The following NUP133 variants were observed in gnomAD, a reference collection of about 807,000 sequenced individuals.
NUP133 encodes nucleoporin 133, also known as nuclear pore complex protein Nup133.
In NUP133, 66 loss-of-function variants were observed where a neutral mutation model predicts 146.2. The observed-to-expected ratio is 0.45, with a 90% confidence interval of 0.37 to 0.55. The LOEUF (loss-of-function observed/expected upper bound fraction) is 0.55. Among genes scored for constraint, NUP133 ranks in the 20% least tolerant of loss-of-function variants. The pLI is 0.00. For synonymous variants in NUP133, 521 were observed against 498.8 expected (o/e 1.04, Z -0.59); for missense variants, 1,277 against 1,374.8 (o/e 0.93, Z 1.12).
In NUP133 at chr1:229,476,406, G is replaced by A. The variant is rs1027598139; in HGVS notation, c.1757-674C>T. Among the ~76,000 whole-genome samples the A allele has an allele frequency of 2.0e-5, 3 of 152,150 alleles. No individual in the cohort carries two copies. In the South Asian group the frequency reaches 6.2e-4, roughly 32 times the overall value. On this transcript the variant is annotated intron_variant, in intron 13 of 25. Coordinates refer to ENST00000261396, the MANE Select transcript of NUP133 (RefSeq NM_018230.3). Reference sequence around the variant, plus strand: ...ACTTGCTAAGAAGTAGGATAATTAGGGAGAGAAACATGTTTGAGACAGTTC... The same window carrying A: ...ACTTGCTAAGAAGTAGGATAATTAGAGAGAGAAACATGTTTGAGACAGTTC...
intron 12 of NUP133, among the ~76,000 whole-genome samples, chr1:229,482,726 G>A (rs185992687): frequency 6.6e-6 from 1 of 152,270 alleles, no homozygotes; most frequent in Non-Finnish European, 1.5e-5. Context: ...TCTCACTACA[G>A]CTGGACTTGC....
chr1:229,471,141 G>C (rs1440579683), intron 14 of NUP133, among the ~76,000 whole-genome samples: 1 of 151,954 alleles, frequency 6.6e-6, no homozygotes, highest in African/African-American at 2.4e-5. Context: ...TTTGAGACAG[G>C]GTTTTGCTCT....
At chr1:229,453,162 T>G (rs1660493711) in intron 21 of NUP133, among the ~76,000 whole-genome samples, 1 of 152,190 alleles carries the variant, frequency 6.6e-6, no homozygotes. Flanking sequence ...CTCTTGGGCT[T>G]GAGTGATCCT....
At chr1:229,471,826 TCA>T (rs1342856331) in intron 14 of NUP133, among the ~76,000 whole-genome samples, 3 of 152,152 alleles carry the variant, frequency 2.0e-5, no homozygotes, top group Non-Finnish European at 4.4e-5. Context: ...ACAAAAGGGG[TCA>T]CACTGTATAT....
chr1:229,462,941 A>C (rs776925213), intron 19 of NUP133, among the ~76,000 whole-genome samples: 1 of 152,228 alleles, frequency 6.6e-6, no homozygotes, highest in Admixed American at 6.5e-5. Context: ...CTCTTAAAGT[A>C]GTCTTCTATG....
At position 229,506,099 on chromosome 1, in the gene NUP133, A is replaced by G. The variant is rs778690874; in HGVS notation, c.242T>C (p.Val81Ala). The change falls in exon 2 of 26, where the codon GTG becomes GCG. Residue 81 changes from valine (V) to alanine (A), a missense_variant. Physicochemically the swap from Val to Ala is moderately conservative, Grantham distance 64. Around this residue, in one of 3 missense-constraint regions of NUP133, gnomAD observed 319 missense variants for 306.9 expected, o/e 1.04. Transcript: ENST00000261396. ...AGGAAGAGAAGATCCAAACGTTTTC[A>G]CATCATAGTTCACAGACTCAGTTAT... Reference protein sequence around the residue: ...HSITESVNYDVKTFGSSLPVK... With the variant: ...HSITESVNYDAKTFGSSLPVK... 3.7e-6 allele frequency: 6 copies of G among 1,613,796 alleles called. No individual in the cohort carries two copies. The South Asian group carries it at 6.6e-5, about 18-fold the overall frequency.
Position 229,497,775 on chromosome 1 carries a change from T to G in NUP133, c.819+361A>C, listed in dbSNP as rs548587816. On this transcript the variant is annotated intron_variant, in intron 6 of 25. Coordinates refer to ENST00000261396, the MANE Select transcript of NUP133 (RefSeq NM_018230.3). ...GGTGCAGAGAAGTCCAGCCAACAGA[T>G]CTAGATTTCAGTCATCCACACAGAC... Among the ~76,000 whole-genome samples the G allele has an allele frequency of 9.8e-5, 15 of 152,332 alleles. 1 individual carries two copies. The highest frequency in any genetic ancestry group is 3.3e-4 in the Admixed American group (5 of 15,304).
intron 6 of NUP133, among the ~76,000 whole-genome samples, chr1:229,496,946 G>A (rs1661671109): frequency 6.6e-6 from 1 of 152,244 alleles, no homozygotes; most frequent in Admixed American, 6.5e-5. Flanking sequence ...ACAGAATTGT[G>A]TTTGAATGCA....
rs1467038878 is a variant in NUP133, at chr1:229,441,270, A to G, written c.*634T>C. ...CAGTAATTTCTAGATAGGTTAGAAA[A>G]CCACATAAACGTTTCATTCACTAAA... On this transcript the variant is annotated 3_prime_UTR_variant, in exon 26 of 26. Transcript: ENST00000261396. 5.5e-6 allele frequency: 2 copies of G among 366,404 alleles called. No homozygotes were observed. Among genetic ancestry groups the G allele is most frequent in the Non-Finnish European group, 1.1e-5 (2 of 183,170 alleles). The allele number at this position is 366,404 out of a possible 1,614,324, so 22.7% of individuals were successfully genotyped here.
intron 20 of NUP133, 100 bp downstream of exon 20, chr1:229,460,511 G>A (rs1660669588): frequency 3.4e-6 from 4 of 1,188,556 alleles, no homozygotes; most frequent in Non-Finnish European, 4.7e-6. Context: ...CCCTTCTCAG[G>A]TATATGACAG....
intron 20 of NUP133, among the ~76,000 whole-genome samples, chr1:229,458,497 T>C (rs915078929): frequency 1.3e-5 from 2 of 152,086 alleles, no homozygotes; most frequent in Admixed American, 6.6e-5. Context: ...TCACTAAATA[T>C]TGGGAAAAGA....
In NUP133 at chr1:229,486,761, C is replaced by T. The variant is rs535389574; in HGVS notation, c.1343-233G>A. On this transcript the variant is annotated intron_variant, in intron 10 of 25. Coordinates refer to ENST00000261396, the MANE Select transcript of NUP133 (RefSeq NM_018230.3). ...CTTTCAGCTTTAAGGACAATAAAAA[C>T]TAGCCTTGCCAGACAGCAGTCAGTC... Among the ~76,000 whole-genome samples the T allele has an allele frequency of 8.5e-5, 13 of 152,268 alleles. No individual in the cohort carries two copies. The South Asian group carries it at 2.7e-3, about 32-fold the overall frequency.
intron 2 of NUP133, among the ~76,000 whole-genome samples, chr1:229,505,406 A>G (rs1195507882): frequency 6.6e-6 from 1 of 152,026 alleles, no homozygotes; most frequent in Non-Finnish European, 1.5e-5. Context: ...GTTTAGTACT[A>G]TACAAGGTTT....
chr1:229,472,005 C>A lies in NUP133; in HGVS notation c.1852-1201G>T, dbSNP rs115949966. On this transcript the variant is annotated intron_variant, in intron 14 of 25. Transcript: ENST00000261396. ...GGTCTTTCCTGACTTGAATTTATTT[C>A]CTGGTTCCCTCAAAAATATTTTAGG... Among the ~76,000 whole-genome samples, 1,199 of 152,206 alleles carry A rather than the reference C, an allele frequency of 7.9e-3. 16 individuals carry two copies. The highest frequency in any genetic ancestry group is 0.028 in the African/African-American group (1,151 of 41,526).
chr1:229,485,693 A>G (rs1185460873), intron 11 of NUP133, among the ~76,000 whole-genome samples: 3 of 152,216 alleles, frequency 2.0e-5, no homozygotes, highest in African/African-American at 7.2e-5. Context: ...ATATATGTAC[A>G]TTACTTAGAT....
At chr1:229,455,248 C>T (rs902279663) in intron 21 of NUP133, among the ~76,000 whole-genome samples, 8 of 152,144 alleles carry the variant, frequency 5.3e-5, no homozygotes, top group East Asian at 3.8e-4. Context: ...TGAGATTCCC[C>T]GCTCCAATTT....
intron 7 of NUP133, 83 bp from the exon 8 acceptor site, chr1:229,495,648 G>A: frequency 5.6e-6 from 6 of 1,065,108 alleles, no homozygotes; most frequent in Non-Finnish European, 8.4e-6. Flanking sequence ...ACCTAGTGAA[G>A]TGCTTCACCC....
At chr1:229,474,220 T>C (rs1308492946) in intron 14 of NUP133, among the ~76,000 whole-genome samples, 2 of 152,184 alleles carry the variant, frequency 1.3e-5, no homozygotes, top group Non-Finnish European at 2.9e-5. Flanking sequence ...GCATCCTAAA[T>C]GCAGGTCGAG....
rs10916477 is a variant in NUP133 at position 229,441,218 on chromosome 1, C to T, written c.*686G>A. 0.22 allele frequency: 72,279 copies of T among 329,180 alleles called. 9,976 individuals are homozygous for T. The highest frequency in any genetic ancestry group is 0.47 in the African/African-American group (21,820 of 46,394). The allele number at this position is 329,180 out of a possible 1,614,324, so 20.4% of individuals were successfully genotyped here. A position where few individuals can be genotyped will look rare whatever the true frequency, so the allele number is the denominator to read the frequency against. On this transcript the variant is annotated 3_prime_UTR_variant, in exon 26 of 26. Transcript: ENST00000261396. ...ATACATGAGGCTGGCTGAATCCCCA[C>T]ACTGAAAGATTAGAACTAAACATCA...
Sources: allele counts gnomAD v4.1 joint callset (sites outside exome capture counted in the v4.1 genomes callset), GRCh38; gene constraint gnomAD v4.1.1; regional missense constraint gnomAD v4.1.1; transcripts MANE v1.5; gene names NCBI Gene and HGNC (gene_info 2026-07-23, HGNC 2026-07-21).